OSTM1: variants seen among roughly 807,000 people sequenced by gnomAD.
The protein encoded by OSTM1 is osteoclastogenesis associated transmembrane protein 1, also known as osteopetrosis-associated transmembrane protein 1.
A neutral mutation model predicts 35.4 loss-of-function variants in OSTM1; 26 were observed. That is an observed-to-expected ratio of 0.73 (90% CI 0.54 to 1.02). The LOEUF is 1.02. OSTM1 is among the 50% of genes least tolerant of loss of function. The pLI, the probability that OSTM1 is intolerant of heterozygous loss-of-function variation, is 0.00. For synonymous variants in OSTM1, 181 were observed against 165.0 expected (o/e 1.10, Z -0.75); for missense variants, 366 against 409.6 (o/e 0.89, Z 0.92).
chr6:108,048,830 C>T (rs1412836919), intron 5 of OSTM1, among the ~76,000 whole-genome samples: 2 of 146,646 alleles, frequency 1.4e-5, no homozygotes, highest in South Asian at 4.3e-4. Flanking sequence ...CGGTTCACTG[C>T]AACCTCCGCC....
Position 108,064,207 on chromosome 6 carries a change from T to C in OSTM1, c.495A>G (p.Thr165=), listed in dbSNP as rs137974384. Residue 165 remains threonine, a synonymous_variant, in exon 2 of 6, where the codon ACA becomes ACG. Transcript: ENST00000193322. ...TACTTGCACAATTTGCCTCCTGCCA[T>C]GTGGTATTAAAAAATTCTGAGAGAA... ...VVILSEFFNT[T]WQEANCANCL... is the part of the protein sequence containing the mutation. 1.7e-3 allele frequency: 2,684 copies of C among 1,584,672 alleles called. 1 individual carries two copies. The highest frequency in any genetic ancestry group is 2.0e-3 in the Admixed American group (121 of 59,992).
chr6:108,062,198 G>A (rs1167539996), intron 2 of OSTM1, among the ~76,000 whole-genome samples: 3 of 151,940 alleles, frequency 2.0e-5, no homozygotes, highest in Non-Finnish European at 4.4e-5. Flanking sequence ...GTAAACTAAG[G>A]GTTACCTGAA....
chr6:108,065,724 T>C (rs902571389), intron 1 of OSTM1, among the ~76,000 whole-genome samples: 4 of 152,214 alleles, frequency 2.6e-5, no homozygotes, highest in Non-Finnish European at 4.4e-5. Context: ...ACACAGTGAC[T>C]GATATATGCT....
chr6:108,063,961 C>G (rs779665245), intron 2 of OSTM1, among the ~76,000 whole-genome samples: 69 of 152,210 alleles, frequency 4.5e-4, no homozygotes, highest in Middle Eastern at 3.2e-3. Flanking sequence ...TAGAATCAAA[C>G]CCAAGTCTAT....
At chr6:108,064,766 T>C (rs1772347806) in intron 1 of OSTM1, among the ~76,000 whole-genome samples, 1 of 152,142 alleles carries the variant, frequency 6.6e-6, no homozygotes, top group East Asian at 1.9e-4. Flanking sequence ...ATAAAAAGTA[T>C]AAAAGAATGC....
In OSTM1 at chr6:108,059,481, G is replaced by A. The variant is rs2114601760; in HGVS notation, c.517+4704C>T. Among the ~76,000 whole-genome samples the A allele has an allele frequency of 2.0e-5, 3 of 152,166 alleles. No homozygotes were observed. In the Middle Eastern group the frequency reaches 0.01, roughly 518 times the overall value. On this transcript the variant is annotated intron_variant, in intron 2 of 5. Transcript: ENST00000193322. ...CATGGATGGCATTCTCTCCTCTCTT[G>A]GATTCCTAGCCTTCCTTTCATGAAT...
In OSTM1 at chr6:108,064,309, AAAG is replaced by A. The variant is rs765580342; in HGVS notation, c.403-13_403-11del. On this transcript the variant is annotated splice_polypyrimidine_tract_variant and intron_variant, in intron 1 of 5. Transcript: ENST00000193322. ...GACTCTCTGAAGTATTCTGTAACAA[AAAG>A]AAGACAGAAAAATACAATCTGAGTA... The A allele has an allele frequency of 7.2e-7, 1 of 1,388,746 alleles. No individual in the cohort carries two copies. The highest frequency in any genetic ancestry group is 1.0e-6 in the Non-Finnish European group (1 of 980,516). The allele number at this position is 1,388,746 out of a possible 1,614,324, so 86.0% of individuals were successfully genotyped here.
At chr6:108,063,012 T>G (rs1772310087) in intron 2 of OSTM1, among the ~76,000 whole-genome samples, 1 of 133,044 alleles carries the variant, frequency 7.5e-6, no homozygotes, top group African/African-American at 2.9e-5. Flanking sequence ...TTCTCTCATT[T>G]CTACTTTTTT....
chr6:108,056,460 T>G lies in OSTM1; in HGVS notation c.518-1873A>C, dbSNP rs555273623. Among the ~76,000 whole-genome samples the G allele has an allele frequency of 4.7e-4, 72 of 152,260 alleles. 2 individuals are homozygous for G. The South Asian group carries it at 0.014, about 31-fold the overall frequency. On this transcript the variant is annotated intron_variant, in intron 2 of 5. Coordinates refer to ENST00000193322, the MANE Select transcript of OSTM1 (RefSeq NM_014028.4). ...CAAATACATGCCACTGCCTACTCCCTCCACTACCCATAGATATCTTACACC... is the reference window on the plus strand; with the variant it reads ...CAAATACATGCCACTGCCTACTCCCGCCACTACCCATAGATATCTTACACC...
chr6:108,074,271 G>T lies in OSTM1; in HGVS notation c.381C>A (p.Asp127Glu). Residue 127 changes from aspartate (D) to glutamate (E), a missense_variant, in exon 1 of 6, where the codon GAC becomes GAA. Around this residue, in one of 3 missense-constraint regions of OSTM1, gnomAD observed 236 missense variants for 239.3 expected, o/e 0.99. Transcript: ENST00000193322. Reference sequence around the variant, plus strand: ...CCACCCCCGCGGCTCGGCTGATGTTGTCCATCTTGCTGACGACCTGTTGGA... The same window carrying T: ...CCACCCCCGCGGCTCGGCTGATGTTTTCCATCTTGCTGACGACCTGTTGGA... ...PLFQQVVSKMDNISRAAGNTS... is the reference protein window; with the variant it reads ...PLFQQVVSKMENISRAAGNTS... 1.9e-6 allele frequency: 3 copies of T among 1,612,478 alleles called. No homozygotes were observed. The highest frequency in any genetic ancestry group is 1.1e-5 in the South Asian group (1 of 91,032).
chr6:108,072,510 G>C (rs565519646), intron 1 of OSTM1, among the ~76,000 whole-genome samples: 17 of 152,120 alleles, frequency 1.1e-4, no homozygotes, highest in Admixed American at 1.0e-3. Context: ...GTGCACATCT[G>C]TAGTTCCAGC....
chr6:108,058,850 G>A (rs1202219735), intron 2 of OSTM1, among the ~76,000 whole-genome samples: 1 of 152,104 alleles, frequency 6.6e-6, no homozygotes, highest in Non-Finnish European at 1.5e-5. Flanking sequence ...GCTTTTTAAA[G>A]CATCAAGACA....
chr6:108,066,868 G>C (rs1772388642), intron 1 of OSTM1, among the ~76,000 whole-genome samples: 1 of 152,124 alleles, frequency 6.6e-6, no homozygotes. Flanking sequence ...AATGGAAACT[G>C]TCACATCTTT....
intron 2 of OSTM1, 106 bp from the exon 3 acceptor site, chr6:108,054,693 T>C (rs900686707): frequency 5.6e-6 from 3 of 538,322 alleles, no homozygotes; most frequent in Non-Finnish European, 1.0e-5. Flanking sequence ...AGTAATTCTT[T>C]ATTCAAACAA....
intron 1 of OSTM1, among the ~76,000 whole-genome samples, chr6:108,065,279 G>A (rs1292772817): frequency 1.8e-4 from 25 of 139,778 alleles, no homozygotes; most frequent in African/African-American, 6.2e-4. Flanking sequence ...TCACTCTATC[G>A]CCCAGGCTGG....
At chr6:108,061,869 C>T (rs1476168846) in intron 2 of OSTM1, among the ~76,000 whole-genome samples, 2 of 151,972 alleles carry the variant, frequency 1.3e-5, no homozygotes, top group Non-Finnish European at 2.9e-5. Flanking sequence ...AAAAAAATCT[C>T]AATGCATTTA....
intron 5 of OSTM1, among the ~76,000 whole-genome samples, chr6:108,048,506 G>A (rs1232257230): frequency 6.6e-6 from 1 of 152,070 alleles, no homozygotes; most frequent in Non-Finnish European, 1.5e-5. Context: ...AATCTCCTTG[G>A]AACTACGATT....
At chr6:108,056,723 T>C (rs1039502092) in intron 2 of OSTM1, among the ~76,000 whole-genome samples, 45 of 152,214 alleles carry the variant, frequency 3.0e-4, no homozygotes, top group African/African-American at 9.9e-4. Flanking sequence ...TCTGCACCCA[T>C]TGTACACAGG....
At chr6:108,044,870 T>C (rs747457386) in intron 5 of OSTM1, 30 bp from the exon 6 acceptor site, 1 of 1,171,172 alleles carries the variant, frequency 8.5e-7, no homozygotes, top group South Asian at 1.5e-5. Flanking sequence ...TATATTTTAA[T>C]TTAAATTTAA....
Sources: gnomAD v4.1 joint callset for allele counts (sites outside exome capture counted in the v4.1 genomes callset) on GRCh38, gnomAD v4.1.1 for gene constraint, gnomAD v4.1.1 regional missense constraint, MANE v1.5 for transcripts, NCBI Gene and HGNC (gene_info 2026-07-23, HGNC 2026-07-21) for gene names.